The following SLC9A5 variants were observed in gnomAD, a reference collection of about 807,000 sequenced individuals.
SLC9A5 encodes the protein sodium/hydrogen exchanger 5.
SLC9A5 carries 52 observed loss-of-function variants against 91.7 expected under a neutral mutation model. That is an observed-to-expected ratio of 0.57 (90% confidence interval 0.45 to 0.71). The LOEUF is 0.71. SLC9A5 is among the 30% of genes least tolerant of loss of function. The pLI is 0.00. For missense variants in SLC9A5, 871 were observed against 1,158.9 expected (o/e 0.75, Z 3.61); for synonymous variants, 419 against 474.5 (o/e 0.88, Z 1.52).
At chr16:67,249,306 C>A in intron 1 of SLC9A5, 105 bp downstream of exon 1, 2 of 921,934 alleles carry the variant, frequency 2.2e-6, no homozygotes, top group Non-Finnish European at 2.9e-6. Context: ...TTGCACGGTG[C>A]TGGGACTTAG....
Position 67,255,431 on chromosome 16 carries a change from C to A in SLC9A5, c.693C>A (p.Gly231=), listed in dbSNP as rs754327800. 6.2e-6 allele frequency: 10 copies of A among 1,614,008 alleles called. No homozygotes were observed. In the African/African-American group the frequency reaches 1.2e-4, roughly 19 times the overall value. ...TCTGCAACTCCTTTGTGGAGATGGGCTCTGCCAATGTGCAGGCCACTGACT... is the reference window on the plus strand; with the variant it reads ...TCTGCAACTCCTTTGTGGAGATGGGATCTGCCAATGTGCAGGCCACTGACT... The part of the protein sequence containing the change: ...YKVCNSFVEM[G]SANVQATDYL... The change falls in exon 4 of 16, where the codon GGC becomes GGA. Residue 231 remains glycine, a synonymous_variant. Transcript: ENST00000299798. This position sits in a 1 kb window ranked among gnomAD's most constrained non-coding sequence, Gnocchi z 4.9.
At chr16:67,254,954 C>T in intron 2 of SLC9A5, 67 bp from the exon 3 acceptor site, 1 of 1,522,738 alleles carries the variant, frequency 6.6e-7, no homozygotes, top group East Asian at 2.3e-5. Context: ...GGGCTTGTTC[C>T]AGGGCGTGCT....
chr16:67,265,017 A>G, intron 13 of SLC9A5, 23 bp from the exon 14 acceptor site: 1 of 1,613,838 alleles, frequency 6.2e-7, no homozygotes, highest in Non-Finnish European at 8.5e-7. Flanking sequence ...CCAGAGGCTC[A>G]GGTTTTCTTT....
chr16:67,257,166 A>G lies in SLC9A5; in HGVS notation c.1335+53A>G. ...GAGAGGGTTGGGCAGGCCCTGGGGG[A>G]GTCTTGGAGCCTGTGGGACAGGGGC... On this transcript the variant is annotated intron_variant, in intron 7 of 15. Coordinates refer to ENST00000299798, the MANE Select transcript of SLC9A5 (RefSeq NM_004594.3). This position sits in a 1 kb window ranked among gnomAD's most constrained non-coding sequence, Gnocchi z 5.1. 1 of 1,538,600 alleles carries G rather than the reference A, an allele frequency of 6.5e-7. No individual in the cohort carries two copies. The highest frequency in any genetic ancestry group is 8.9e-7 in the Non-Finnish European group (1 of 1,129,674).
chr16:67,249,650 T>G (rs2035036493), intron 1 of SLC9A5, among the ~76,000 whole-genome samples: 1 of 152,202 alleles, frequency 6.6e-6, no homozygotes, highest in East Asian at 1.9e-4. Flanking sequence ...CTGGAGACCA[T>G]GTCCGAGTGT....
At position 67,256,475 on chromosome 16, in the gene SLC9A5, C is replaced by A; in HGVS notation, c.918C>A (p.Thr306=). ...MASLSAILAV[T]MCGLGCKKYV... ...TCTCTCCATCCTCTCCCAGGGTGACCATGTGTGGCCTGGGCTGTAAGAAGT... is the reference window on the plus strand; with the variant it reads ...TCTCTCCATCCTCTCCCAGGGTGACAATGTGTGGCCTGGGCTGTAAGAAGT... The change falls in exon 6 of 16, where the codon ACC becomes ACA. Residue 306 remains threonine, a synonymous_variant. Coordinates refer to ENST00000299798, the MANE Select transcript of SLC9A5 (RefSeq NM_004594.3). The surrounding 1 kb of genome is among the most constrained non-coding windows in gnomAD (Gnocchi z 4.1). 1.9e-6 allele frequency: 3 copies of A among 1,608,536 alleles called. No individual in the cohort carries two copies. The highest frequency in any genetic ancestry group is 2.5e-6 in the Non-Finnish European group (3 of 1,179,072).
Position 67,264,455 on chromosome 16 carries a change from A to C in SLC9A5, c.1946A>C (p.Lys649Thr). Residue 649 changes from lysine (K) to threonine (T), a missense_variant, in exon 13 of 16, where the codon AAG becomes ACG. Lys to Thr is a moderately conservative substitution (Grantham distance 78, BLOSUM62 -1). Transcript: ENST00000299798. ...QNMKRRLESFKSTKHNICFTK... is the reference protein window; with the variant it reads ...QNMKRRLESFTSTKHNICFTK... The stretch of plus-strand genomic sequence containing the variant: ...ATGAAGCGGCGGCTGGAGTCCTTTA[A>C]GTCCACCAAGCACAACATCTGCTTC... 2 of 1,614,192 alleles carry C rather than the reference A, an allele frequency of 1.2e-6. No individual in the cohort carries two copies. The highest frequency in any genetic ancestry group is 8.5e-7 in the Non-Finnish European group (1 of 1,180,018).
At position 67,271,456 on chromosome 16, in the gene SLC9A5, C is replaced by T; in HGVS notation, c.*246C>T. 1.8e-6 allele frequency: 1 copy of T among 544,700 alleles called. No individual in the cohort carries two copies. The highest frequency in any genetic ancestry group is 3.3e-6 in the Non-Finnish European group (1 of 303,420). 33.7% of individuals were successfully genotyped at this position (544,700 alleles called of 1,614,324 possible). A position where few individuals can be genotyped will look rare whatever the true frequency, so the allele number is the denominator to read the frequency against. On this transcript the variant is annotated 3_prime_UTR_variant, in exon 16 of 16. Transcript: ENST00000299798. ...AAGGCCTCTACTCTGGCTCAGGACC[C>T]AGTCCAGGCCTTCTACGGGCTAGGC...
chr16:67,252,539 C>T lies in SLC9A5; in HGVS notation c.188-3C>T, dbSNP rs1349410684. 2 of 1,607,802 alleles carry T rather than the reference C, an allele frequency of 1.2e-6. No homozygotes were observed. Among genetic ancestry groups the T allele is most frequent in the Non-Finnish European group, 1.7e-6 (2 of 1,176,864 alleles). The stretch of plus-strand genomic sequence containing the variant: ...TCCATCCTGCACTCTTTTTGCATTG[C>T]AGTGTTTCACCTGTCTCGGAAAGTA... On this transcript the variant is annotated splice_polypyrimidine_tract_variant and splice_region_variant and intron_variant, in intron 1 of 15. Coordinates refer to ENST00000299798, the MANE Select transcript of SLC9A5 (RefSeq NM_004594.3). The surrounding 1 kb of genome is among the most constrained non-coding windows in gnomAD (Gnocchi z 4.0).
chr16:67,249,707 C>G (rs1038823835), intron 1 of SLC9A5, among the ~76,000 whole-genome samples: 4 of 152,212 alleles, frequency 2.6e-5, no homozygotes, highest in Non-Finnish European at 4.4e-5. Context: ...CAGCTCTCCC[C>G]TGCTCCCCAC....
At chr16:67,265,949 G>C in intron 14 of SLC9A5, 139 bp from the exon 15 acceptor site, 1 of 1,156,086 alleles carries the variant, frequency 8.6e-7, no homozygotes, top group Non-Finnish European at 1.2e-6. Context: ...GCCAGTGCTT[G>C]AAACAGCCAG....
In SLC9A5 at chr16:67,252,224, C is replaced by T. The variant is rs747486766; in HGVS notation, c.188-318C>T. ...CAGCACTTTGGGAGGCCAAGGTGGG[C>T]GGATCATGAGGTCAGGAGTTCAAGA... On this transcript the variant is annotated intron_variant, in intron 1 of 15. Coordinates refer to ENST00000299798, the MANE Select transcript of SLC9A5 (RefSeq NM_004594.3). The surrounding 1 kb of genome is among the most constrained non-coding windows in gnomAD (Gnocchi z 4.0). 6.6e-6 allele frequency among the ~76,000 whole-genome samples: 1 copy of T among 151,960 alleles called. No homozygotes were observed. The highest frequency in any genetic ancestry group is 1.5e-5 in the Non-Finnish European group (1 of 67,986).
chr16:67,259,460 G>T (rs1443085884), intron 10 of SLC9A5, 113 bp from the exon 11 acceptor site: 1 of 737,292 alleles, frequency 1.4e-6, no homozygotes, highest in East Asian at 2.7e-5. Flanking sequence ...CAGAGTACCT[G>T]GCATGTCAAA....
intron 1 of SLC9A5, among the ~76,000 whole-genome samples, chr16:67,251,187 T>G (rs2035103368): frequency 6.6e-6 from 1 of 152,190 alleles, no homozygotes; most frequent in African/African-American, 2.4e-5. Context: ...GAAGAAGACC[T>G]GGAGATCTTC....
At position 67,258,234 on chromosome 16, in the gene SLC9A5, C is replaced by T. The variant is rs1432568517; in HGVS notation, c.1497-84C>T. The stretch of plus-strand genomic sequence containing the variant: ...ATCTAAAAAGCCAGGCCAGTGCTGA[C>T]GGTGTCCTTGCCCCGTCTGAGGAAG... On this transcript the variant is annotated intron_variant, in intron 9 of 15. Transcript: ENST00000299798. This position sits in a 1 kb window ranked among gnomAD's most constrained non-coding sequence, Gnocchi z 4.5. 5.0e-5 allele frequency: 72 copies of T among 1,452,470 alleles called. No homozygotes were observed. The highest frequency in any genetic ancestry group is 8.5e-5 in the Admixed American group (5 of 58,866). 90.0% of individuals were successfully genotyped at this position (1,452,470 alleles called of 1,614,324 possible).
In SLC9A5 at chr16:67,270,932, C is replaced by G. The variant is rs1388727364; in HGVS notation, c.2413C>G (p.Pro805Ala). ...ISSLESLASP[P>A]CNQAPILTCL... ...ATCCCTGGAGAGCCTAGCGTCCCCTCCCTGTAACCAGGCCCCAATTCTGAC... is the reference window on the plus strand; with the variant it reads ...ATCCCTGGAGAGCCTAGCGTCCCCTGCCTGTAACCAGGCCCCAATTCTGAC... The change falls in exon 16 of 16, where the codon CCC (proline) becomes GCC (alanine). Residue 805 changes from proline to alanine, a missense_variant. By Grantham distance (27) the Pro-to-Ala change is conservative. Coordinates refer to ENST00000299798, the MANE Select transcript of SLC9A5 (RefSeq NM_004594.3). The surrounding 1 kb of genome is among the most constrained non-coding windows in gnomAD (Gnocchi z 4.3). 4.3e-6 allele frequency: 7 copies of G among 1,614,088 alleles called. No homozygotes were observed. Among genetic ancestry groups the G allele is most frequent in the Non-Finnish European group, 5.9e-6 (7 of 1,179,980 alleles).
chr16:67,260,354 C>CAAAAAAAAAAAAAAAAAAA lies in SLC9A5; in HGVS notation c.1842+413_1842+431dup, dbSNP rs397932908. ...TGGGTAACAGAGCAAGACTCCATCT[C>CAAAAAAAAAAAAAAAAAAA]AAAAAAAAAAAAAAAAAAAAAAAGA... On this transcript the variant is annotated intron_variant, in intron 12 of 15. Coordinates refer to ENST00000299798, the MANE Select transcript of SLC9A5 (RefSeq NM_004594.3). Among the ~76,000 whole-genome samples, 94 of 33,424 alleles carry CAAAAAAAAAAAAAAAAAAA rather than the reference C, an allele frequency of 2.8e-3. 10 individuals carry two copies. Among genetic ancestry groups the CAAAAAAAAAAAAAAAAAAA allele is most frequent in the African/African-American group, 0.012 (62 of 5,158 alleles). The allele number at this position is 33,424 out of a possible 152,430, so 21.9% of individuals were successfully genotyped here.
At position 67,255,233 on chromosome 16, in the gene SLC9A5, C is replaced by G; in HGVS notation, c.654+49C>G. 1 of 1,593,774 alleles carries G rather than the reference C, an allele frequency of 6.3e-7. No homozygotes were observed. Among genetic ancestry groups the G allele is most frequent in the Non-Finnish European group, 8.6e-7 (1 of 1,166,930 alleles). ...ATTCCCTGACCCCAGGCTGCATGCT[C>G]TGACCAACTAGGGGTCTGCGCAGAC... On this transcript the variant is annotated intron_variant, in intron 3 of 15. Transcript: ENST00000299798. This position sits in a 1 kb window ranked among gnomAD's most constrained non-coding sequence, Gnocchi z 4.9.
intron 15 of SLC9A5, among the ~76,000 whole-genome samples, chr16:67,266,694 C>T (rs2035717512): frequency 6.6e-6 from 1 of 151,970 alleles, no homozygotes; most frequent in African/African-American, 2.4e-5. Context: ...ACGTGCACCC[C>T]CACGCCTGGC....
Sources: gnomAD v4.1 joint callset for allele counts (sites outside exome capture counted in the v4.1 genomes callset) on GRCh38, gnomAD v4.1.1 for gene constraint, Gnocchi (gnomAD v3.1) non-coding constraint, MANE v1.5 for transcripts, NCBI Gene and HGNC (gene_info 2026-07-23, HGNC 2026-07-21) for gene names.